The following KCNK10 variants were observed in gnomAD, a reference collection of about 807,000 sequenced individuals.
KCNK10 encodes the protein potassium two pore domain channel subfamily K member 10.
In KCNK10, 25 loss-of-function variants were observed where a neutral mutation model predicts 47.7. The ratio of observed to expected loss-of-function variants is 0.52; its 90% confidence interval spans 0.38 to 0.73. The LOEUF (loss-of-function observed/expected upper bound fraction) is 0.73, where lower values mean the gene tolerates loss of function less well. Ranked by LOEUF, KCNK10 falls within the 30% of genes least tolerant of loss-of-function variation. The probability of loss-of-function intolerance (pLI) is 0.00; values close to 1 mark genes in which losing one functional copy is unlikely to be tolerated. For synonymous variants in KCNK10, 303 were observed against 285.6 expected, an observed-to-expected ratio of 1.06 and a Z score of -0.61; for missense variants, 563 against 714.5, an observed-to-expected ratio of 0.79 and a Z score of 2.42.
chr14:88,250,737 T>C (rs1298199733), intron 2 of KCNK10, among the ~76,000 whole-genome samples: 1 of 152,174 alleles, frequency 6.6e-6, no homozygotes, highest in Non-Finnish European at 1.5e-5. Flanking sequence ...AGGTGAGTTT[T>C]TGTCTTAGCT....
intron 2 of KCNK10, among the ~76,000 whole-genome samples, chr14:88,245,763 A>C (rs190005408): frequency 1.8e-3 from 268 of 152,354 alleles, no homozygotes; most frequent in African/African-American, 6.0e-3. Context: ...TGCTTTATGC[A>C]TGGACGCTAA....
At chr14:88,256,510 C>T (rs1030164977) in intron 2 of KCNK10, among the ~76,000 whole-genome samples, 1 of 152,066 alleles carries the variant, frequency 6.6e-6, no homozygotes, top group African/African-American at 2.4e-5. Flanking sequence ...AGATGACATT[C>T]TAGATGCCCA....
intron 3 of KCNK10, chr14:88,235,137 T>C: frequency 2.2e-6 from 1 of 456,574 alleles, no homozygotes; most frequent in South Asian, 1.5e-5. Context: ...AAGGACCCTA[T>C]TTGCAGAAAC....
intron 1 of KCNK10, among the ~76,000 whole-genome samples, chr14:88,298,937 C>T (rs1888040771): frequency 6.6e-6 from 1 of 152,122 alleles, no homozygotes; most frequent in Non-Finnish European, 1.5e-5. Flanking sequence ...TGATGATGCC[C>T]TTCCCTCTGC....
chr14:88,227,306 C>T (rs1350686292), intron 4 of KCNK10, 69 bp downstream of exon 4: 4 of 1,282,272 alleles, frequency 3.1e-6, no homozygotes, highest in Non-Finnish European at 4.3e-6. Context: ...GATACTGCCT[C>T]CTGGATCCTG....
chr14:88,290,266 C>G (rs1039186746), intron 1 of KCNK10, among the ~76,000 whole-genome samples: 5 of 151,954 alleles, frequency 3.3e-5, no homozygotes, highest in South Asian at 2.1e-4. Context: ...CAGCCATGAG[C>G]CAAGAAACAT....
rs1884631269 is a variant in KCNK10, at chr14:88,188,087, A to G, written c.891T>C (p.Tyr297=). 2.5e-6 allele frequency: 4 copies of G among 1,614,098 alleles called. No individual in the cohort carries two copies. The African/African-American group carries it at 4.0e-5, about 16-fold the overall frequency. The part of the protein sequence containing the change: ...FVAGGNAGIN[Y]REWYKPLVWF... Reference sequence around the variant, plus strand: ...ACACTAGGGGCTTATACCACTCCCGATAATTGATGCCAGCGTTTCCCCCTG... The same window carrying G: ...ACACTAGGGGCTTATACCACTCCCGGTAATTGATGCCAGCGTTTCCCCCTG... The change falls in exon 6 of 7, where the codon TAT becomes TAC. Residue 297 remains tyrosine (Y), a synonymous_variant. Transcript: ENST00000319231.
intron 1 of KCNK10, among the ~76,000 whole-genome samples, chr14:88,272,255 A>C (rs146535947): frequency 3.7e-4 from 56 of 152,334 alleles, no homozygotes; most frequent in Non-Finnish European, 4.7e-4. Context: ...AGCTGTCCAC[A>C]TTATTAGGAG....
intron 1 of KCNK10, among the ~76,000 whole-genome samples, chr14:88,305,930 C>T (rs781069595): frequency 2.6e-5 from 4 of 152,158 alleles, no homozygotes; most frequent in Non-Finnish European, 5.9e-5. Flanking sequence ...GTTTACGCAC[C>T]ATCTTCCATC....
chr14:88,302,271 G>A (rs10131611), intron 1 of KCNK10, among the ~76,000 whole-genome samples: 140,146 of 152,260 alleles, frequency 0.92, 64,980 homozygotes, highest in Non-Finnish European at 0.98. Context: ...AGATGATACA[G>A]AGGGACTGCT....
intron 3 of KCNK10, among the ~76,000 whole-genome samples, chr14:88,239,105 T>A (rs893731230): frequency 2.6e-5 from 4 of 152,080 alleles, no homozygotes; most frequent in Non-Finnish European, 5.9e-5. Flanking sequence ...TTGTGAAAAT[T>A]ACCAAAATGT....
At chr14:88,301,668 G>A (rs80054647) in intron 1 of KCNK10, among the ~76,000 whole-genome samples, 58,727 of 148,932 alleles carry the variant, frequency 0.39, 13,921 homozygotes, top group Middle Eastern at 0.53. Context: ...AAAAAAAGAG[G>A]TCCCGTAAAG....
At position 88,200,095 on chromosome 14, in the gene KCNK10, CT is replaced by C. The variant is rs562589390; in HGVS notation, c.682-7686del. 5.5e-3 allele frequency among the ~76,000 whole-genome samples: 770 copies of C among 140,008 alleles called. 4 individuals carry two copies. The highest frequency in any genetic ancestry group is 8.2e-3 in the Non-Finnish European group (524 of 64,244). The allele number at this position is 140,008 out of a possible 152,430, so 91.9% of individuals were successfully genotyped here. On this transcript the variant is annotated intron_variant, in intron 4 of 6. Coordinates refer to ENST00000319231, the MANE Select transcript of KCNK10 (RefSeq NM_138317.3). ...TCTTCCTTTCTTTCTTCCTTTCTTC[CT>C]TTTTTTCTCTTTCTTTCCATATTTA...
intron 2 of KCNK10, among the ~76,000 whole-genome samples, chr14:88,254,735 C>T (rs1163605136): frequency 2.0e-5 from 3 of 152,150 alleles, no homozygotes; most frequent in Non-Finnish European, 4.4e-5. Context: ...AAGATAAAGG[C>T]TTTCTTGGGA....
chr14:88,302,377 G>A (rs1346170539), intron 1 of KCNK10, among the ~76,000 whole-genome samples: 3 of 152,200 alleles, frequency 2.0e-5, no homozygotes, highest in Non-Finnish European at 4.4e-5. Context: ...AATGAGAAAG[G>A]AGTCAACAGG....
intron 1 of KCNK10, among the ~76,000 whole-genome samples, chr14:88,314,004 C>T (rs1888378423): frequency 6.6e-6 from 1 of 152,170 alleles, no homozygotes; most frequent in Non-Finnish European, 1.5e-5. Flanking sequence ...GAAGTTTATT[C>T]ACATTTGTCT....
intron 6 of KCNK10, 98 bp downstream of exon 6, chr14:88,187,869 A>C: frequency 1.5e-6 from 2 of 1,358,942 alleles, no homozygotes; most frequent in Non-Finnish European, 2.0e-6. Flanking sequence ...TGCAAAACCG[A>C]GCCAGAAACA....
At position 88,260,689 on chromosome 14, in the gene KCNK10, T is replaced by C. The variant is rs117649674; in HGVS notation, c.402+2513A>G. 2.5e-3 allele frequency among the ~76,000 whole-genome samples: 377 copies of C among 152,326 alleles called. 2 individuals are homozygous for C. In the Middle Eastern group the frequency reaches 0.034, roughly 14 times the overall value. On this transcript the variant is annotated intron_variant, in intron 2 of 6. Coordinates refer to ENST00000319231, the MANE Select transcript of KCNK10 (RefSeq NM_138317.3). This position sits in a 1 kb window ranked among gnomAD's most constrained non-coding sequence, Gnocchi z 4.5. ...CCCCTGTAAAATGGGAATCGTGATA[T>C]GAACTTAGAGTGTTGTTGATAAGAT... is the stretch of plus-strand genomic sequence containing the variant.
chr14:88,240,951 T>A, intron 2 of KCNK10, 131 bp from the exon 3 acceptor site: 1 of 571,230 alleles, frequency 1.8e-6, no homozygotes, highest in Non-Finnish European at 3.1e-6. Context: ...GAGAACTGGT[T>A]AAGTGGATGA....
Sources: allele counts gnomAD v4.1 joint callset (sites outside exome capture counted in the v4.1 genomes callset), GRCh38; gene constraint gnomAD v4.1.1; non-coding constraint Gnocchi (gnomAD v3.1); transcripts MANE v1.5; gene names NCBI Gene and HGNC (gene_info 2026-07-23, HGNC 2026-07-21).